The following SLC20A2 variants were observed in gnomAD, a reference collection of about 807,000 sequenced individuals.
The protein encoded by SLC20A2 is sodium-dependent phosphate transporter 2.
SLC20A2 carries 30 observed loss-of-function variants against 61.0 expected under a neutral mutation model. The ratio of observed to expected loss-of-function variants is 0.49; its 90% CI spans 0.37 to 0.67. The LOEUF is 0.67. SLC20A2 is among the 30% of genes least tolerant of loss of function. The probability of loss-of-function intolerance (pLI) is 0.00; values close to 1 mark genes in which losing one functional copy is unlikely to be tolerated. For synonymous variants in SLC20A2, 351 were observed against 353.3 expected (o/e 0.99, Z 0.07); for missense variants, 626 against 866.4 (o/e 0.72, Z 3.48).
intron 10 of SLC20A2, among the ~76,000 whole-genome samples, chr8:42,421,586 C>T (rs1803041060): frequency 6.6e-6 from 1 of 152,150 alleles, no homozygotes; most frequent in Non-Finnish European, 1.5e-5. Context: ...GGGCAGATCA[C>T]CTGAGGTCAG....
chr8:42,501,144 T>A lies in SLC20A2; in HGVS notation c.-378A>T, dbSNP rs1810287277. On this transcript the variant is annotated 5_prime_UTR_variant, in exon 1 of 11. An upstream start codon of the reference 5' UTR is lost. Coordinates refer to ENST00000520262, the MANE Select transcript of SLC20A2 (RefSeq NM_001257180.2). ...TACCACATTAGGCCGAGAAGTCACA[T>A]TTCAGCTTGCTAACTTCTACTTTTA... 6.6e-6 allele frequency: 1 copy of A among 152,188 alleles called. No homozygotes were observed. The highest frequency in any genetic ancestry group is 2.4e-5 in the African/African-American group (1 of 41,428). 9.4% of individuals were successfully genotyped at this position (152,188 alleles called of 1,614,324 possible).
In SLC20A2 at chr8:42,437,253, G is replaced by A. The variant is rs746862912; in HGVS notation, c.1259C>T (p.Thr420Ile). ...PEDSEKLVGD[T>I]VSYSKKRLRY... ...CAGCCTCTTCTTGGAGTAGGACACG[G>A]TGTCGCCCACCAGCTTCTCACTGTC... The change falls in exon 8 of 11, where the codon ACC becomes ATC. Residue 420 changes from threonine (T) to isoleucine (I), a missense_variant. Around this residue, in one of 3 missense-constraint regions of SLC20A2, gnomAD observed 361 missense variants for 422.3 expected, o/e 0.85. Transcript: ENST00000520262. This position sits in a 1 kb window ranked among gnomAD's most constrained non-coding sequence, Gnocchi z 6.4. 3 of 1,614,022 alleles carry A rather than the reference G, an allele frequency of 1.9e-6. No individual in the cohort carries two copies. Among genetic ancestry groups the A allele is most frequent in the Non-Finnish European group, 2.5e-6 (3 of 1,180,026 alleles).
intron 5 of SLC20A2, among the ~76,000 whole-genome samples, chr8:42,446,904 T>C (rs1218552006): frequency 1.3e-5 from 2 of 152,130 alleles, no homozygotes; most frequent in Non-Finnish European, 2.9e-5. Flanking sequence ...ATATATATAC[T>C]ATAAGAATGT....
intron 1 of SLC20A2, among the ~76,000 whole-genome samples, chr8:42,477,598 G>A (rs773641453): frequency 3.3e-5 from 5 of 150,900 alleles, no homozygotes; most frequent in African/African-American, 1.2e-4. Flanking sequence ...AGCCTCCCGA[G>A]TAGCTGGGAT....
intron 1 of SLC20A2, among the ~76,000 whole-genome samples, chr8:42,486,521 GCAA>G (rs1809024896): frequency 6.6e-6 from 1 of 152,206 alleles, no homozygotes; most frequent in Admixed American, 6.5e-5. Flanking sequence ...AGTTCTGCTA[GCAA>G]TGGATGGAAT....
chr8:42,458,822 T>C (rs1170259877), intron 5 of SLC20A2, among the ~76,000 whole-genome samples: 2 of 151,380 alleles, frequency 1.3e-5, no homozygotes, highest in Non-Finnish European at 2.9e-5. Flanking sequence ...GGCAGGAGAA[T>C]GGCATGAACC....
chr8:42,434,862 G>A (rs1175626917), intron 8 of SLC20A2, among the ~76,000 whole-genome samples: 2 of 152,180 alleles, frequency 1.3e-5, no homozygotes, highest in Admixed American at 1.3e-4. Context: ...CATGGTGTGT[G>A]TGTGAATGTG....
intron 1 of SLC20A2, among the ~76,000 whole-genome samples, chr8:42,492,693 C>CTT (rs879941614): frequency 1.4e-5 from 2 of 144,898 alleles, no homozygotes; most frequent in African/African-American, 5.0e-5. Flanking sequence ...ACTTGGTTTT[C>CTT]TTTTTTTTTT....
intron 1 of SLC20A2, among the ~76,000 whole-genome samples, chr8:42,488,694 C>T (rs1404414795): frequency 6.6e-6 from 1 of 152,144 alleles, no homozygotes; most frequent in Non-Finnish European, 1.5e-5. Flanking sequence ...TCATTACCCT[C>T]ATCAACACCT....
intron 10 of SLC20A2, 24 bp from the exon 11 acceptor site, chr8:42,417,991 T>G (rs1487122277): frequency 1.2e-6 from 2 of 1,606,048 alleles, no homozygotes; most frequent in Non-Finnish European, 1.7e-6. Context: ...CATTGCAAAG[T>G]AAAAACAGGT....
intron 1 of SLC20A2, among the ~76,000 whole-genome samples, chr8:42,488,274 C>T (rs921490054): frequency 6.6e-6 from 1 of 150,528 alleles, no homozygotes; most frequent in African/African-American, 2.5e-5. Flanking sequence ...CAACCTCTGC[C>T]TCCCGGGTTC....
intron 1 of SLC20A2, among the ~76,000 whole-genome samples, chr8:42,509,621 G>A (rs1810918750): frequency 6.6e-6 from 1 of 151,984 alleles, no homozygotes; most frequent in Non-Finnish European, 1.5e-5. Flanking sequence ...GGGTGCAGTG[G>A]TACCCGCCTG....
At chr8:42,457,964 AGTAATAAG>A (rs2131145191) in intron 5 of SLC20A2, among the ~76,000 whole-genome samples, 1 of 152,338 alleles carries the variant, frequency 6.6e-6, no homozygotes, top group South Asian at 2.1e-4. Flanking sequence ...AGTTTGAGAA[AGTAATAAG>A]GATTTCCACT....
At chr8:42,478,206 C>T (rs2131261196) in intron 1 of SLC20A2, among the ~76,000 whole-genome samples, 1 of 141,042 alleles carries the variant, frequency 7.1e-6, no homozygotes, top group East Asian at 2.1e-4. Context: ...CTTTTCTTTT[C>T]CTTTTCTTTT....
At chr8:42,443,401 G>GC (rs1324202793) in intron 6 of SLC20A2, among the ~76,000 whole-genome samples, 94 of 148,376 alleles carry the variant, frequency 6.3e-4, no homozygotes, top group Admixed American at 5.3e-3. Context: ...TGCAACCTCT[G>GC]CCCCCCCGGG....
At chr8:42,441,431 C>T (rs1429971875) in intron 6 of SLC20A2, among the ~76,000 whole-genome samples, 2 of 151,812 alleles carry the variant, frequency 1.3e-5, no homozygotes, top group Non-Finnish European at 2.9e-5. Flanking sequence ...GGATTACAGG[C>T]ATGAGTCACC....
At chr8:42,530,704 T>C (rs1263679126) in intron 1 of SLC20A2, among the ~76,000 whole-genome samples, 1 of 152,152 alleles carries the variant, frequency 6.6e-6, no homozygotes, top group Non-Finnish European at 1.5e-5. Context: ...TGACTAACTA[T>C]AAATATGGTT....
At chr8:42,439,995 G>GA (rs11370867) in intron 6 of SLC20A2, among the ~76,000 whole-genome samples, 7,561 of 151,824 alleles carry the variant, frequency 0.05, 571 homozygotes, top group African/African-American at 0.17. Context: ...TGAGGCAGGA[G>GA]AATCTCTTAA....
chr8:42,459,235 C>CAAAAAAAAAAA (rs756966778), intron 5 of SLC20A2, among the ~76,000 whole-genome samples: 5 of 36,080 alleles, frequency 1.4e-4, no homozygotes, highest in Non-Finnish European at 2.9e-4. Context: ...GACTCTATCT[C>CAAAAAAAAAAA]AAAAAAAAAA....
Sources: gnomAD v4.1 joint callset for allele counts (sites outside exome capture counted in the v4.1 genomes callset) on GRCh38, gnomAD v4.1.1 for gene constraint, gnomAD v4.1.1 regional missense constraint, Gnocchi (gnomAD v3.1) non-coding constraint, MANE v1.5 for transcripts, NCBI Gene and HGNC (gene_info 2026-07-23, HGNC 2026-07-21) for gene names.